The following LPAR1 variants were observed in gnomAD, a reference collection of about 807,000 sequenced individuals.
LPAR1 encodes LPA receptor 1.
LPAR1 carries 5 observed loss-of-function variants against 23.8 expected under a neutral mutation model. The ratio of observed to expected loss-of-function variants is 0.21; its 90% CI spans 0.11 to 0.44. The LOEUF (loss-of-function observed/expected upper bound fraction) is 0.44. Ranked by LOEUF, LPAR1 falls within the 20% of genes least tolerant of loss-of-function variation. LPAR1 has a pLI of 0.99. For synonymous variants in LPAR1, 160 were observed against 164.7 expected, an observed-to-expected ratio of 0.97 and a Z score of 0.22; for missense variants, 311 against 482.8, an observed-to-expected ratio of 0.64 and a Z score of 3.33.
chr9:110,903,466 C>A (rs1224238869), intron 5 of LPAR1: 1 of 151,876 alleles, frequency 6.6e-6, no homozygotes, highest in Non-Finnish European at 1.5e-5. Context: ...AAAAAAGAAC[C>A]AAATGGAAAT....
intron 2 of LPAR1, among the ~76,000 whole-genome samples, chr9:111,024,560 A>ATGGGAGTGTGTGTGTGTG (rs1389219899): frequency 8.5e-5 from 3 of 35,496 alleles, no homozygotes; most frequent in Non-Finnish European, 2.1e-4. Context: ...ATATACACAC[A>ATGGGAGTGTGTGTGTGTG]CATATATATA....
At chr9:111,036,339 T>C (rs1222141984) in intron 1 of LPAR1, 138 bp from the exon 2 acceptor site, 2 of 149,862 alleles carry the variant, frequency 1.3e-5, no homozygotes, top group African/African-American at 4.9e-5. Context: ...GAGATTGATC[T>C]GAGGTGGGGG....
chr9:111,024,457 T>G (rs1267940793), intron 2 of LPAR1, among the ~76,000 whole-genome samples: 3 of 147,468 alleles, frequency 2.0e-5, no homozygotes, highest in African/African-American at 7.4e-5. Flanking sequence ...TATTTTTATA[T>G]ATACATAATT....
intron 4 of LPAR1, among the ~76,000 whole-genome samples, chr9:110,943,172 C>G (rs1177291405): frequency 6.7e-6 from 1 of 148,528 alleles, no homozygotes; most frequent in East Asian, 2.0e-4. Flanking sequence ...AAATAAGTAA[C>G]AAACTAGAAA....
At chr9:111,022,915 T>TGC (rs2097585196) in intron 2 of LPAR1, among the ~76,000 whole-genome samples, 1 of 151,876 alleles carries the variant, frequency 6.6e-6, no homozygotes, top group African/African-American at 2.4e-5. Context: ...TAGCCGGGCA[T>TGC]GGTGGCGGGT....
chr9:110,967,881 T>C (rs1048336700), intron 4 of LPAR1, among the ~76,000 whole-genome samples: 5 of 152,158 alleles, frequency 3.3e-5, no homozygotes, highest in Non-Finnish European at 5.9e-5. Flanking sequence ...AGTGACCCAA[T>C]GGTCTGCATC....
At chr9:111,019,759 G>A (rs147157250) in intron 2 of LPAR1, among the ~76,000 whole-genome samples, 414 of 152,190 alleles carry the variant, frequency 2.7e-3, no homozygotes, top group African/African-American at 9.7e-3. Context: ...GCAGGAGAAT[G>A]GCGTGAACCT....
intron 2 of LPAR1, among the ~76,000 whole-genome samples, chr9:111,015,361 T>C (rs762352258): frequency 1.3e-5 from 2 of 152,154 alleles, no homozygotes; most frequent in Admixed American, 1.3e-4. Flanking sequence ...CCAAGTTGCA[T>C]CAATTCTTCC....
intron 5 of LPAR1, among the ~76,000 whole-genome samples, chr9:110,897,135 T>G (rs904611987): frequency 6.6e-6 from 1 of 152,128 alleles, no homozygotes. Flanking sequence ...CTACCTGACA[T>G]AGTTTGGCTC....
At chr9:111,000,456 C>T (rs981213777) in intron 2 of LPAR1, among the ~76,000 whole-genome samples, 1 of 152,180 alleles carries the variant, frequency 6.6e-6, no homozygotes, top group African/African-American at 2.4e-5. Flanking sequence ...GGGTCCAGAG[C>T]CTCCAGAGGT....
chr9:110,899,441 T>C (rs2087800658), intron 5 of LPAR1, among the ~76,000 whole-genome samples: 1 of 152,122 alleles, frequency 6.6e-6, no homozygotes, highest in African/African-American at 2.4e-5. Flanking sequence ...AATATAGAGA[T>C]GAAATAATAC....
intron 2 of LPAR1, among the ~76,000 whole-genome samples, chr9:110,980,010 A>G (rs1379363700): frequency 6.6e-6 from 1 of 152,092 alleles, no homozygotes; most frequent in Non-Finnish European, 1.5e-5. Flanking sequence ...AGAACAAAAA[A>G]TTTGCAGAAG....
At chr9:110,981,742 T>G (rs2096671452) in intron 2 of LPAR1, among the ~76,000 whole-genome samples, 2 of 151,996 alleles carry the variant, frequency 1.3e-5, no homozygotes, top group Admixed American at 1.3e-4. Context: ...TAATTAGAAA[T>G]TATGGACATA....
chr9:110,876,489 A>G lies in LPAR1; in HGVS notation c.794-767T>C, dbSNP rs551063902. Among the ~76,000 whole-genome samples, 24 of 152,342 alleles carry G rather than the reference A, an allele frequency of 1.6e-4. No individual in the cohort carries two copies. The South Asian group carries it at 4.6e-3, about 29-fold the overall frequency. On this transcript the variant is annotated intron_variant, in intron 5 of 5. Coordinates refer to ENST00000683809, the MANE Select transcript of LPAR1 (RefSeq NM_001351411.2). Reference sequence around the variant, plus strand: ...TGAATTTTCACAGTAGCCATATGACATAGAAACTAATATCCCCATTGTACA... The same window carrying G: ...TGAATTTTCACAGTAGCCATATGACGTAGAAACTAATATCCCCATTGTACA...
chr9:110,961,732 C>T (rs1308223708), intron 4 of LPAR1, among the ~76,000 whole-genome samples: 3 of 151,712 alleles, frequency 2.0e-5, no homozygotes, highest in Non-Finnish European at 4.4e-5. Context: ...GGAGCAAAGG[C>T]ACATCGTACA....
chr9:111,036,004 TA>T, intron 2 of LPAR1, 117 bp downstream of exon 2: 1 of 152,364 alleles, frequency 6.6e-6, no homozygotes, highest in African/African-American at 2.4e-5. Context: ...ATAGATTCAG[TA>T]AAACCTTGCA....
intron 4 of LPAR1, among the ~76,000 whole-genome samples, chr9:110,968,719 T>TA (rs1247375839): frequency 6.6e-6 from 1 of 152,198 alleles, no homozygotes; most frequent in African/African-American, 2.4e-5. Flanking sequence ...GGGCAAAACT[T>TA]ATTTCTCTTA....
chr9:110,915,323 G>T (rs986005599), intron 5 of LPAR1, among the ~76,000 whole-genome samples: 1 of 152,124 alleles, frequency 6.6e-6, no homozygotes, highest in African/African-American at 2.4e-5. Context: ...GATCACTGGA[G>T]GTAAAGAGTT....
At chr9:110,922,551 G>A (rs1292364905) in intron 5 of LPAR1, among the ~76,000 whole-genome samples, 2 of 152,048 alleles carry the variant, frequency 1.3e-5, no homozygotes, top group South Asian at 2.1e-4. Context: ...ATATGGTTTT[G>A]TTTTACAAAA....
Sources: allele counts gnomAD v4.1 joint callset (sites outside exome capture counted in the v4.1 genomes callset), GRCh38; gene constraint gnomAD v4.1.1; transcripts MANE v1.5; gene names NCBI Gene and HGNC (gene_info 2026-07-23, HGNC 2026-07-21).